TMED8: variants seen among roughly 807,000 people sequenced by gnomAD.
TMED8 encodes the protein transmembrane p24 trafficking protein family member 8.
In TMED8, 15 loss-of-function variants were observed where a neutral mutation model predicts 32.7. The observed-to-expected ratio is 0.46, with a 90% confidence interval of 0.31 to 0.71. The LOEUF is 0.71. Among genes scored for constraint, TMED8 ranks in the 30% least tolerant of loss-of-function variants. TMED8 has a pLI of 0.06. For synonymous variants in TMED8, 147 were observed against 161.4 expected (o/e 0.91, Z 0.68); for missense variants, 390 against 423.9 (o/e 0.92, Z 0.70).
At chr14:77,362,826 G>T (rs1272972156) in intron 1 of TMED8, among the ~76,000 whole-genome samples, 1 of 152,148 alleles carries the variant, frequency 6.6e-6, no homozygotes, top group East Asian at 1.9e-4. Context: ...AAAGAGCAGA[G>T]GTGGCTGTAC....
intron 5 of TMED8, among the ~76,000 whole-genome samples, chr14:77,342,859 T>C (rs761911954): frequency 9.9e-5 from 15 of 152,212 alleles, no homozygotes; most frequent in Non-Finnish European, 2.1e-4. Flanking sequence ...AATCTCTGGC[T>C]TACATGCGAC....
chr14:77,369,013 G>A (rs1048962111), intron 1 of TMED8, among the ~76,000 whole-genome samples: 1 of 152,076 alleles, frequency 6.6e-6, no homozygotes, highest in Non-Finnish European at 1.5e-5. Context: ...CCTATAGGTA[G>A]GTGCTTATGT....
intron 1 of TMED8, among the ~76,000 whole-genome samples, chr14:77,358,146 AAATTG>A (rs1893336060): frequency 6.9e-6 from 1 of 145,028 alleles, no homozygotes; most frequent in South Asian, 2.2e-4. Context: ...AAAAAAAAAG[AAATTG>A]TATTTAAAGA....
chr14:77,375,456 A>G (rs1454051591), intron 1 of TMED8, among the ~76,000 whole-genome samples: 1 of 152,232 alleles, frequency 6.6e-6, no homozygotes, highest in East Asian at 1.9e-4. Context: ...GCAAGGGACA[A>G]GTGTTATAAG....
chr14:77,335,522 C>T lies in TMED8; in HGVS notation c.*6249G>A, dbSNP rs1356230444. The T allele has an allele frequency of 1.3e-5, 2 of 152,208 alleles. No homozygotes were observed. Among genetic ancestry groups the T allele is most frequent in the Admixed American group, 6.5e-5 (1 of 15,282 alleles). 9.4% of individuals were successfully genotyped at this position (152,208 alleles called of 1,614,324 possible). The stretch of plus-strand genomic sequence containing the variant: ...TTACGAAGAAAACATGATCATCTTT[C>T]AGTCAACTGACTGATCTGAGTACAT... On this transcript the variant is annotated 3_prime_UTR_variant, in exon 6 of 6. Transcript: ENST00000216468.
Position 77,342,464 on chromosome 14 carries a change from G to A in TMED8, c.761-476C>T, listed in dbSNP as rs138021357. ...CTGAAAAGCAGCAAATAAGATACAA[G>A]GTTCTCCGCTTTCCCAGATACCTGT... is the stretch of plus-strand genomic sequence containing the variant. On this transcript the variant is annotated intron_variant, in intron 5 of 5. Coordinates refer to ENST00000216468, the MANE Select transcript of TMED8 (RefSeq NM_213601.3). Among the ~76,000 whole-genome samples the A allele has an allele frequency of 8.3e-4, 126 of 151,870 alleles. 1 individual carries two copies. Among genetic ancestry groups the A allele is most frequent in the African/African-American group, 2.9e-3 (118 of 41,346 alleles).
At chr14:77,359,597 T>C in intron 1 of TMED8, 1 of 402,484 alleles carries the variant, frequency 2.5e-6, no homozygotes, top group Non-Finnish European at 4.9e-6. Context: ...TTCTACTTGA[T>C]CAAAAAACAG....
At chr14:77,348,367 C>T (rs753043135) in intron 2 of TMED8, among the ~76,000 whole-genome samples, 12 of 151,992 alleles carry the variant, frequency 7.9e-5, no homozygotes, top group Admixed American at 1.3e-4. Context: ...GGACTACAGG[C>T]GCCGGCCACC....
chr14:77,374,390 A>T (rs931088059), intron 1 of TMED8, among the ~76,000 whole-genome samples: 8 of 152,246 alleles, frequency 5.3e-5, no homozygotes, highest in Non-Finnish European at 1.2e-4. Context: ...ATCTGGAGCC[A>T]GATACCTCCT....
chr14:77,347,243 A>C (rs1443164669), intron 2 of TMED8, among the ~76,000 whole-genome samples: 1 of 152,186 alleles, frequency 6.6e-6, no homozygotes, highest in Non-Finnish European at 1.5e-5. Context: ...AAGCAAAAGG[A>C]GGAGGTCTGC....
intron 1 of TMED8, among the ~76,000 whole-genome samples, chr14:77,362,730 A>C (rs1208389412): frequency 6.6e-6 from 1 of 152,234 alleles, no homozygotes; most frequent in African/African-American, 2.4e-5. Flanking sequence ...TATGCTGCCC[A>C]CAAGAGACTC....
chr14:77,365,124 TCAGC>T (rs1347631456), intron 1 of TMED8, among the ~76,000 whole-genome samples: 2 of 152,190 alleles, frequency 1.3e-5, no homozygotes, highest in African/African-American at 4.8e-5. Flanking sequence ...CAGATATCAC[TCAGC>T]CAAATATTTT....
chr14:77,367,736 C>G (rs1328656233), intron 1 of TMED8, among the ~76,000 whole-genome samples: 2 of 151,672 alleles, frequency 1.3e-5, no homozygotes, highest in African/African-American at 4.8e-5. Context: ...TCTTGTTGCC[C>G]AGGCTGGAGT....
At chr14:77,346,158 A>G (rs1325065984) in intron 3 of TMED8, among the ~76,000 whole-genome samples, 191 bp downstream of exon 3, 3 of 152,162 alleles carry the variant, frequency 2.0e-5, no homozygotes, top group Non-Finnish European at 2.9e-5. Flanking sequence ...TGCCAGTACA[A>G]TGATGGGCCC....
rs1277532372 is a variant in TMED8 at position 77,337,130 on chromosome 14, ATAAC to A, written c.*4637_*4640del. ...CATGTATCAATTCATTAAGAAAAAAATAACTAAGAATGGTCTAATTCCAAATTGC... is the reference window on the plus strand; with the variant it reads ...CATGTATCAATTCATTAAGAAAAAAATAAGAATGGTCTAATTCCAAATTGC... On this transcript the variant is annotated 3_prime_UTR_variant, in exon 6 of 6. Coordinates refer to ENST00000216468, the MANE Select transcript of TMED8 (RefSeq NM_213601.3). 1 of 152,232 alleles carries A rather than the reference ATAAC, an allele frequency of 6.6e-6. No individual in the cohort carries two copies. The highest frequency in any genetic ancestry group is 2.4e-5 in the African/African-American group (1 of 41,464). 9.4% of individuals were successfully genotyped at this position (152,232 alleles called of 1,614,324 possible).
intron 1 of TMED8, among the ~76,000 whole-genome samples, chr14:77,375,141 T>A (rs1893782828): frequency 6.6e-6 from 1 of 152,158 alleles, no homozygotes; most frequent in African/African-American, 2.4e-5. Context: ...CTGTAGGTTA[T>A]CATTACTATT....
At position 77,376,879 on chromosome 14, in the gene TMED8, GGT is replaced by G; in HGVS notation, c.118+55_118+56del. The G allele has an allele frequency of 9.0e-7, 1 of 1,108,674 alleles. No homozygotes were observed. Among genetic ancestry groups the G allele is most frequent in the South Asian group, 2.0e-5 (1 of 48,994 alleles). The allele number at this position is 1,108,674 out of a possible 1,614,324, so 68.7% of individuals were successfully genotyped here. A position where few individuals can be genotyped will look rare whatever the true frequency, so the allele number is the denominator to read the frequency against. ...AGAGCGCGGCGGAGGCTCGCGCCGTGGTGCGGGGCCCTGAGGCCGGGCGGCAC... is the reference window on the plus strand; with the variant it reads ...AGAGCGCGGCGGAGGCTCGCGCCGTGGCGGGGCCCTGAGGCCGGGCGGCAC... On this transcript the variant is annotated intron_variant, in intron 1 of 5. Coordinates refer to ENST00000216468, the MANE Select transcript of TMED8 (RefSeq NM_213601.3). This position sits in a 1 kb window ranked among gnomAD's most constrained non-coding sequence, Gnocchi z 4.0.
chr14:77,368,722 A>G (rs769607240), intron 1 of TMED8, among the ~76,000 whole-genome samples: 14 of 152,084 alleles, frequency 9.2e-5, no homozygotes, highest in South Asian at 4.2e-4. Context: ...TGATCCGCCC[A>G]CCTTGGCCTC....
intron 2 of TMED8, among the ~76,000 whole-genome samples, chr14:77,348,344 TCCCGA>T (rs1893097799): frequency 6.6e-6 from 1 of 151,848 alleles, no homozygotes; most frequent in Admixed American, 6.6e-5. Flanking sequence ...TGCCTCACCC[TCCCGA>T]GTAGCTGGGA....
Sources: gnomAD v4.1 joint callset for allele counts (sites outside exome capture counted in the v4.1 genomes callset) on GRCh38, gnomAD v4.1.1 for gene constraint, Gnocchi (gnomAD v3.1) non-coding constraint, MANE v1.5 for transcripts, NCBI Gene and HGNC (gene_info 2026-07-23, HGNC 2026-07-21) for gene names.